Variants in TRIP4 observed in about 807,000 individuals in gnomAD.
TRIP4 encodes thyroid hormone receptor interactor 4, also known as activating signal cointegrator 1.
TRIP4 carries 54 observed loss-of-function variants against 81.8 expected under a neutral mutation model. The ratio of observed to expected loss-of-function variants is 0.66; its 90% confidence interval spans 0.53 to 0.83. The LOEUF (loss-of-function observed/expected upper bound fraction) is 0.83, where lower values mean the gene tolerates loss of function less well. Ranked by LOEUF, TRIP4 falls within the 40% of genes least tolerant of loss-of-function variation. The pLI is 0.00. For missense variants in TRIP4, 662 were observed against 683.6 expected, an observed-to-expected ratio of 0.97 and a Z score of 0.35; for synonymous variants, 270 against 242.8, an observed-to-expected ratio of 1.11 and a Z score of -1.04.
At chr15:64,400,937 G>GT (rs869217492) in intron 5 of TRIP4, 116 bp downstream of exon 5, 21 of 714,034 alleles carry the variant, frequency 2.9e-5, no homozygotes, top group Middle Eastern at 2.4e-4. Flanking sequence ...CTCATTCTCA[G>GT]TTTTTTTGGG....
intron 1 of TRIP4, among the ~76,000 whole-genome samples, chr15:64,390,921 C>T (rs1458643964): frequency 6.6e-6 from 1 of 151,970 alleles, no homozygotes; most frequent in Non-Finnish European, 1.5e-5. Context: ...TATATTCCGC[C>T]TGGGAAGGAG....
In TRIP4 at chr15:64,395,475, G is replaced by A; in HGVS notation, c.349G>A (p.Ala117Thr). ...AGGGAGAAACAGACAGGAAGTTCCT[G>A]CATTTACTGAACCTGACACGACTGC... The part of the protein sequence containing the change: ...KKGRNRQEVP[A>T]FTEPDTTAEV... Residue 117 changes from alanine to threonine, a missense_variant, in exon 3 of 13, where the codon GCA becomes ACA. Coordinates refer to ENST00000261884, the MANE Select transcript of TRIP4 (RefSeq NM_016213.5). The A allele has an allele frequency of 6.2e-7, 1 of 1,613,850 alleles. No homozygotes were observed. Among genetic ancestry groups the A allele is most frequent in the Non-Finnish European group, 8.5e-7 (1 of 1,179,932 alleles).
rs1900029232 is a variant in TRIP4, at chr15:64,388,759, TGTC to T, written c.101+798_101+800del. On this transcript the variant is annotated intron_variant, in intron 1 of 12. Coordinates refer to ENST00000261884, the MANE Select transcript of TRIP4 (RefSeq NM_016213.5). Reference sequence around the variant, plus strand: ...TGGAGTCTCAGGTTCTATATTCTGTTGTCGTTTACCTGTTTTAGAACCCAGGAC... The same window carrying T: ...TGGAGTCTCAGGTTCTATATTCTGTTGTTTACCTGTTTTAGAACCCAGGAC... Among the ~76,000 whole-genome samples the T allele has an allele frequency of 9.2e-5, 14 of 152,298 alleles. No homozygotes were observed. The South Asian group carries it at 2.7e-3, about 29-fold the overall frequency.
rs576282144 is a variant in TRIP4 at position 64,421,570 on chromosome 15, A to G, written c.1359-2461A>G. Among the ~76,000 whole-genome samples, 6 of 151,916 alleles carry G rather than the reference A, an allele frequency of 3.9e-5. No individual in the cohort carries two copies. In the South Asian group the frequency reaches 1.2e-3, roughly 31 times the overall value. ...AGGCTGGTCTCAAACTCCTGACCTC[A>G]AGTGATCCACCCGCCTCCACTTCCC... On this transcript the variant is annotated intron_variant, in intron 9 of 12. Transcript: ENST00000261884.
chr15:64,403,991 A>G (rs1349999009), intron 5 of TRIP4, among the ~76,000 whole-genome samples: 1 of 151,970 alleles, frequency 6.6e-6, no homozygotes, highest in Non-Finnish European at 1.5e-5. Flanking sequence ...TGGGAGTTTG[A>G]GACCAGCCTG....
intron 1 of TRIP4, among the ~76,000 whole-genome samples, chr15:64,389,338 G>C (rs771438251): frequency 6.6e-5 from 10 of 152,212 alleles, no homozygotes; most frequent in Non-Finnish European, 1.5e-4. Flanking sequence ...TTATTTTAAT[G>C]GATTTTTTTG....
intron 11 of TRIP4, 74 bp downstream of exon 11, chr15:64,425,705 T>G: frequency 8.2e-7 from 1 of 1,223,910 alleles, no homozygotes; most frequent in Non-Finnish European, 1.2e-6. Flanking sequence ...GAAAGCACTT[T>G]AAGAGGCTGG....
intron 9 of TRIP4, among the ~76,000 whole-genome samples, chr15:64,423,605 T>C (rs1458390788): frequency 6.6e-6 from 1 of 150,690 alleles, no homozygotes; most frequent in African/African-American, 2.5e-5. Context: ...GATTTTTCTG[T>C]CAGGTTGGAG....
intron 12 of TRIP4, among the ~76,000 whole-genome samples, 184 bp from the exon 13 acceptor site, chr15:64,454,813 T>C (rs1463468555): frequency 6.6e-6 from 1 of 152,246 alleles, no homozygotes; most frequent in African/African-American, 2.4e-5. Flanking sequence ...TGTATCCTTG[T>C]ACAGTGTTCC....
chr15:64,400,941 T>C (rs1032678195), intron 5 of TRIP4, 120 bp downstream of exon 5: 3 of 654,424 alleles, frequency 4.6e-6, no homozygotes, highest in Non-Finnish European at 7.0e-6. Context: ...TTCTCAGTTT[T>C]TTTGGGGGGT....
At chr15:64,412,218 G>A (rs1479373950) in intron 7 of TRIP4, among the ~76,000 whole-genome samples, 1 of 151,860 alleles carries the variant, frequency 6.6e-6, no homozygotes, top group African/African-American at 2.4e-5. Flanking sequence ...TAGAGTTCTG[G>A]ATATACTTAT....
chr15:64,405,240 A>C (rs921812936), intron 5 of TRIP4, among the ~76,000 whole-genome samples: 2 of 150,460 alleles, frequency 1.3e-5, no homozygotes, highest in African/African-American at 4.9e-5. Context: ...CTGTAAGCTC[A>C]GCGTCCCAGG....
rs755755171 is a variant in TRIP4 at position 64,397,784 on chromosome 15, A to G, written c.584A>G (p.Glu195Gly). 1 of 1,614,242 alleles carries G rather than the reference A, an allele frequency of 6.2e-7. No homozygotes were observed. The highest frequency in any genetic ancestry group is 1.1e-5 in the South Asian group (1 of 91,086). The change falls in exon 4 of 13, where the codon GAA becomes GGA. Residue 195 changes from glutamate to glycine, a missense_variant. Transcript: ENST00000261884. ...TGTGGGCGCATTGTCTGTGAACAAG[A>G]AGGCTCAGGCCCTTGCTTATTCTGT... ...LICGRIVCEQ[E>G]GSGPCLFCGT...
intron 2 of TRIP4, among the ~76,000 whole-genome samples, chr15:64,395,153 A>G (rs993412866): frequency 1.3e-5 from 2 of 152,138 alleles, no homozygotes; most frequent in Non-Finnish European, 2.9e-5. Flanking sequence ...ATTTTAGAAT[A>G]TCAGATTTTA....
At chr15:64,400,934 T>C in intron 5 of TRIP4, 113 bp downstream of exon 5, 1 of 809,320 alleles carries the variant, frequency 1.2e-6, no homozygotes, top group Non-Finnish European at 1.9e-6. Context: ...TCACTCATTC[T>C]CAGTTTTTTT....
At chr15:64,452,219 C>T (rs1011512172) in intron 12 of TRIP4, among the ~76,000 whole-genome samples, 8 of 151,808 alleles carry the variant, frequency 5.3e-5, no homozygotes, top group Non-Finnish European at 1.2e-4. Flanking sequence ...TGGGCTCAAG[C>T]GATCTGCCTG....
In TRIP4 at chr15:64,404,736, AG is replaced by A. The variant is rs1212408883; in HGVS notation, c.698-1593del. On this transcript the variant is annotated intron_variant, in intron 5 of 12. Coordinates refer to ENST00000261884, the MANE Select transcript of TRIP4 (RefSeq NM_016213.5). ...TGTCCTTGTTTGTTTGTTTGTTTTT[AG>A]ACGGTCTCTGTCAGGCTGGAGTACA... Among the ~76,000 whole-genome samples, 8 of 152,012 alleles carry A rather than the reference AG, an allele frequency of 5.3e-5. No homozygotes were observed. In the Middle Eastern group the frequency reaches 0.017, roughly 323 times the overall value.
chr15:64,411,544 G>T, intron 7 of TRIP4, among the ~76,000 whole-genome samples: 1 of 151,894 alleles, frequency 6.6e-6, no homozygotes, highest in South Asian at 2.1e-4. Flanking sequence ...GGCCAAGGTG[G>T]GAGGATCACT....
intron 11 of TRIP4, among the ~76,000 whole-genome samples, chr15:64,442,608 A>T (rs997100062): frequency 1.7e-5 from 2 of 121,054 alleles, no homozygotes; most frequent in Admixed American, 1.9e-4. Context: ...CTATCTTTGG[A>T]TGGCAAGAGT....
Sources: gnomAD v4.1 joint callset for allele counts (sites outside exome capture counted in the v4.1 genomes callset) on GRCh38, gnomAD v4.1.1 for gene constraint, MANE v1.5 for transcripts, NCBI Gene and HGNC (gene_info 2026-07-23, HGNC 2026-07-21) for gene names.